Variants in SEC16B observed in about 807,000 individuals in gnomAD.
SEC16B encodes the protein SEC16 homolog B, endoplasmic reticulum export factor, also known as protein transport protein Sec16B.
SEC16B carries 115 observed loss-of-function variants against 141.8 expected under a neutral mutation model. The observed-to-expected ratio is 0.81, with a 90% CI of 0.70 to 0.95. The LOEUF is 0.95. Among genes scored for constraint, SEC16B ranks in the 40% least tolerant of loss-of-function variants. The pLI, the probability that SEC16B is intolerant of heterozygous loss-of-function variation, is 0.00. For synonymous variants in SEC16B, 493 were observed against 492.5 expected (o/e 1.00, Z -0.01); for missense variants, 1,291 against 1,312.3 (o/e 0.98, Z 0.25).
At chr1:177,958,088 G>C in intron 10 of SEC16B, 44 bp downstream of exon 10, 1 of 1,332,430 alleles carries the variant, frequency 7.5e-7, no homozygotes, top group African/African-American at 1.5e-5. Flanking sequence ...GAGAGGGATG[G>C]TGATTGCTTT....
At chr1:177,971,131 G>C (rs990868961), upstream of SEC16B, among the ~76,000 whole-genome samples, 2 of 151,350 alleles carry the variant, frequency 1.3e-5, no homozygotes, top group Non-Finnish European at 2.9e-5. Flanking sequence ...CCCAGAGATG[G>C]AGTTTAATGG....
intron 1 of SEC16B, among the ~76,000 whole-genome samples, chr1:177,968,306 A>G (rs6425457): frequency 0.49 from 74,020 of 152,038 alleles, 19,891 homozygotes; most frequent in African/African-American, 0.73. Flanking sequence ...ACAGATAACA[A>G]TAATAGGTAC....
chr1:177,963,174 G>T (rs1571345259), intron 5 of SEC16B, among the ~76,000 whole-genome samples: 1 of 151,864 alleles, frequency 6.6e-6, no homozygotes, highest in Non-Finnish European at 1.5e-5. Context: ...ATATGTATGT[G>T]GCTGCTGTCA....
In SEC16B at chr1:177,958,955, T is replaced by C. The variant is rs1557984789; in HGVS notation, c.1019A>G (p.Asp340Gly). The part of the protein sequence containing the change: ...PLIREDVHKV[D>G]IMTFCQQKAA... Reference sequence around the variant, plus strand: ...TTTCTGCTGGCAAAACGTCATAATATCCACCTTATGTACATCTTCCCTACA... The same window carrying C: ...TTTCTGCTGGCAAAACGTCATAATACCCACCTTATGTACATCTTCCCTACA... Residue 340 changes from aspartate to glycine, a missense_variant, in exon 9 of 26, where the codon GAT becomes GGT. This residue lies in a region of SEC16B where 681 missense variants were observed against 675.5 expected (regional missense o/e 1.01). Transcript: ENST00000308284. The C allele has an allele frequency of 1.2e-6, 2 of 1,613,204 alleles. No individual in the cohort carries two copies. Among genetic ancestry groups the C allele is most frequent in the Non-Finnish European group, 1.7e-6 (2 of 1,179,650 alleles).
At chr1:177,929,985 G>A (rs1006031550) in intron 25 of SEC16B, 56 bp from the exon 26 acceptor site, 218 of 1,564,946 alleles carry the variant, frequency 1.4e-4, no homozygotes, top group Non-Finnish European at 1.7e-4. Flanking sequence ...GACTCTGCCC[G>A]GGGTTGATTG....
At chr1:177,982,468 T>C (rs749915987) in intron 1 of SEC16B, among the ~76,000 whole-genome samples, 2 of 152,216 alleles carry the variant, frequency 1.3e-5, no homozygotes, top group Non-Finnish European at 2.9e-5. Context: ...AGCAAGGGTA[T>C]GAATGCCCAT....
At position 177,933,323 on chromosome 1, in the gene SEC16B, A is replaced by G; in HGVS notation, c.2725-11T>C. The G allele has an allele frequency of 1.3e-6, 2 of 1,591,250 alleles. No individual in the cohort carries two copies. Among genetic ancestry groups the G allele is most frequent in the South Asian group, 2.3e-5 (2 of 87,460 alleles). ...GCCAAACCCTGAGCTCTGGAAGGGG[A>G]AGAGGACATTTTATGACCTGCAGGT... On this transcript the variant is annotated splice_polypyrimidine_tract_variant and intron_variant, in intron 21 of 25. Transcript: ENST00000308284.
chr1:177,930,037 T>C (rs1650298943), intron 25 of SEC16B, 108 bp from the exon 26 acceptor site: 1 of 1,050,850 alleles, frequency 9.5e-7, no homozygotes, highest in African/African-American at 1.6e-5. Context: ...GTGTAGAACA[T>C]TTCCCAAGGT....
intron 20 of SEC16B, 99 bp from the exon 21 acceptor site, chr1:177,933,735 G>A: frequency 8.3e-7 from 1 of 1,198,966 alleles, no homozygotes; most frequent in Middle Eastern, 2.0e-4. Context: ...AAGGCAGTGG[G>A]ACTGTTGTCT....
At chr1:177,961,565 C>T (rs368723722) in intron 6 of SEC16B, 25 bp downstream of exon 6, 3 of 1,586,820 alleles carry the variant, frequency 1.9e-6, no homozygotes, top group Non-Finnish European at 2.6e-6. Context: ...ATTCAATCAA[C>T]TCTTCTGATC....
chr1:177,953,909 A>G (rs751665976), intron 11 of SEC16B, among the ~76,000 whole-genome samples: 10 of 152,142 alleles, frequency 6.6e-5, no homozygotes, highest in Admixed American at 3.9e-4. Context: ...GCAGTAGACA[A>G]CTGCTTACGT....
chr1:177,944,472 G>T, intron 15 of SEC16B, 89 bp downstream of exon 15: 1 of 956,616 alleles, frequency 1.0e-6, no homozygotes, highest in Non-Finnish European at 1.6e-6. Flanking sequence ...CTTAGCCCCA[G>T]GTACTAAGTG....
At chr1:177,975,481 G>A (rs575130626) in intron 1 of SEC16B, among the ~76,000 whole-genome samples, 2 of 152,242 alleles carry the variant, frequency 1.3e-5, no homozygotes, top group African/African-American at 4.8e-5. Flanking sequence ...CCTAAGTGTG[G>A]ATAAAGGGCT....
intron 8 of SEC16B, 187 bp downstream of exon 8, chr1:177,960,155 T>C (rs984797914): frequency 5.1e-6 from 3 of 586,318 alleles, no homozygotes; most frequent in South Asian, 2.4e-5. Context: ...CCTTCAACTA[T>C]TGAATGGCTT....
chr1:177,938,185 C>T (rs1571311641), intron 18 of SEC16B, among the ~76,000 whole-genome samples: 1 of 152,206 alleles, frequency 6.6e-6, no homozygotes, highest in African/African-American at 2.4e-5. Flanking sequence ...ATGACCACAG[C>T]TTTGATTGGA....
Position 177,938,848 on chromosome 1 carries a change from T to G in SEC16B, c.2203+854A>C, listed in dbSNP as rs184451756. Among the ~76,000 whole-genome samples, 26 of 152,222 alleles carry G rather than the reference T, an allele frequency of 1.7e-4. 1 individual carries two copies. Among genetic ancestry groups the G allele is most frequent in the Admixed American group, 4.6e-4 (7 of 15,302 alleles). On this transcript the variant is annotated intron_variant, in intron 18 of 25. Coordinates refer to ENST00000308284, the MANE Select transcript of SEC16B (RefSeq NM_033127.4). The stretch of plus-strand genomic sequence containing the variant: ...TGGCTCTGTTCTTAAGGAATCAGAG[T>G]ACATTTGCCCTGGAAAAGACCTGAC...
rs535624834 is a variant in SEC16B at position 177,944,760 on chromosome 1, A to G, written c.1776-94T>C. 21 of 1,017,066 alleles carry G rather than the reference A, an allele frequency of 2.1e-5. No homozygotes were observed. In the Admixed American group the frequency reaches 3.4e-4, roughly 16 times the overall value. The allele number at this position is 1,017,066 out of a possible 1,614,324, so 63.0% of individuals were successfully genotyped here. The stretch of plus-strand genomic sequence containing the variant: ...CTCCAAACACCAGCTGCAGCCTTTC[A>G]TGGGGGAGTTTCCATCCTGGGCTGA... On this transcript the variant is annotated intron_variant, in intron 14 of 25. Coordinates refer to ENST00000308284, the MANE Select transcript of SEC16B (RefSeq NM_033127.4).
At chr1:177,957,822 TC>T (rs1321151358) in intron 10 of SEC16B, among the ~76,000 whole-genome samples, 1 of 76,842 alleles carries the variant, frequency 1.3e-5, no homozygotes, top group Non-Finnish European at 2.5e-5. Flanking sequence ...CTACTGCCCT[TC>T]CCAGCCTCTG....
intron 12 of SEC16B, among the ~76,000 whole-genome samples, chr1:177,950,812 A>G (rs1652127512): frequency 6.6e-6 from 1 of 151,860 alleles, no homozygotes; most frequent in African/African-American, 2.4e-5. Context: ...AAAAGAGCAC[A>G]AAAGTAAGAG....
Sources: gnomAD v4.1 joint callset for allele counts (sites outside exome capture counted in the v4.1 genomes callset) on GRCh38, gnomAD v4.1.1 for gene constraint, gnomAD v4.1.1 regional missense constraint, MANE v1.5 for transcripts, NCBI Gene and HGNC (gene_info 2026-07-23, HGNC 2026-07-21) for gene names.